Variants in NUAK1 observed in about 807,000 individuals in gnomAD.
The protein encoded by NUAK1 is NUAK family kinase 1.
NUAK1 carries 26 observed loss-of-function variants against 56.9 expected under a neutral mutation model. That is an observed-to-expected ratio of 0.46 (90% CI 0.33 to 0.63). The LOEUF (loss-of-function observed/expected upper bound fraction) is 0.63, where lower values mean the gene tolerates loss of function less well. Among genes scored for constraint, NUAK1 ranks in the 30% least tolerant of loss-of-function variants. NUAK1 has a pLI of 0.02. For synonymous variants in NUAK1, 337 were observed against 336.0 expected, an observed-to-expected ratio of 1.00 and a Z score of -0.03; for missense variants, 727 against 876.1, an observed-to-expected ratio of 0.83 and a Z score of 2.15.
At position 106,070,891 on chromosome 12, in the gene NUAK1, G is replaced by A. The variant is rs777260764; in HGVS notation, c.715C>T (p.Leu239=). 6.8e-6 allele frequency: 11 copies of A among 1,614,052 alleles called. No homozygotes were observed. Among genetic ancestry groups the A allele is most frequent in the Non-Finnish European group, 8.5e-6 (10 of 1,180,032 alleles). The part of the protein sequence containing the change: ...YRGPEVDSWA[L]GVLLYTLVYG... ...ACAAGAGTGTAAAGCAACACACCCAGGGCCCAGCTGTCCACCTGGAGCAGA... is the reference window on the plus strand; with the variant it reads ...ACAAGAGTGTAAAGCAACACACCCAAGGCCCAGCTGTCCACCTGGAGCAGA... Residue 239 remains leucine, a synonymous_variant, in exon 6 of 7, where the codon CTG becomes TTG. Transcript: ENST00000261402.
In NUAK1 at chr12:106,128,131, TTTC is replaced by T. The variant is rs1345901192; in HGVS notation, c.240+10280_240+10282del. Among the ~76,000 whole-genome samples, 11 of 145,688 alleles carry T rather than the reference TTTC, an allele frequency of 7.6e-5. 1 individual carries two copies. The highest frequency in any genetic ancestry group is 1.4e-4 in the Admixed American group (2 of 14,760). On this transcript the variant is annotated intron_variant, in intron 1 of 6. Coordinates refer to ENST00000261402, the MANE Select transcript of NUAK1 (RefSeq NM_014840.3). ...CTAGCTCCAAATTCTCTCTTTTCTT[TTTC>T]TTTTTTTTTTTTTTTGACACAGAGA... is the stretch of plus-strand genomic sequence containing the variant.
intron 1 of NUAK1, among the ~76,000 whole-genome samples, chr12:106,126,741 G>A (rs141873547): frequency 1.3e-5 from 2 of 152,108 alleles, no homozygotes; most frequent in African/African-American, 4.8e-5. Flanking sequence ...CTCATCCCTG[G>A]AATCTTGCCT....
intron 2 of NUAK1, 52 bp from the exon 3 acceptor site, chr12:106,086,937 A>G (rs760966256): frequency 6.3e-7 from 1 of 1,587,330 alleles, no homozygotes; most frequent in Middle Eastern, 1.7e-4. Context: ...CAACAAGCTC[A>G]CTTATGCTAC....
chr12:106,128,127 TC>T (rs144195232), intron 1 of NUAK1, among the ~76,000 whole-genome samples: 9 of 143,404 alleles, frequency 6.3e-5, no homozygotes, highest in African/African-American at 2.0e-4. Context: ...TTCTCTCTTT[TC>T]TTTTTCTTTT....
rs187834250 is a variant in NUAK1, at chr12:106,123,009, T to A, written c.240+15405A>T. ...CTCGACAAATATCAGATGAATCCAT[T>A]ACATGGTTTCACCTCTAGAAGTATT... On this transcript the variant is annotated intron_variant, in intron 1 of 6. Transcript: ENST00000261402. 2.0e-5 allele frequency among the ~76,000 whole-genome samples: 3 copies of A among 152,346 alleles called. No individual in the cohort carries two copies. In the East Asian group the frequency reaches 5.8e-4, roughly 29 times the overall value.
chr12:106,111,460 G>A (rs1306761129), intron 1 of NUAK1, among the ~76,000 whole-genome samples: 4 of 151,900 alleles, frequency 2.6e-5, no homozygotes, highest in Non-Finnish European at 5.9e-5. Context: ...GTATGTCGTC[G>A]AGGCTCTAAC....
At chr12:106,111,063 G>A (rs2032853649) in intron 1 of NUAK1, among the ~76,000 whole-genome samples, 1 of 152,126 alleles carries the variant, frequency 6.6e-6, no homozygotes, top group African/African-American at 2.4e-5. Flanking sequence ...TGCTCAGACT[G>A]TCACCGGCTG....
At chr12:106,124,392 T>C (rs1005344968) in intron 1 of NUAK1, among the ~76,000 whole-genome samples, 1 of 152,202 alleles carries the variant, frequency 6.6e-6, no homozygotes, top group African/African-American at 2.4e-5. Context: ...AGAGGAGATA[T>C]TGCAATCATT....
chr12:106,091,770 C>G (rs756638348), intron 2 of NUAK1, among the ~76,000 whole-genome samples: 1 of 152,178 alleles, frequency 6.6e-6, no homozygotes, highest in Non-Finnish European at 1.5e-5. Context: ...AGACAGGGAT[C>G]TCTCCTTCCC....
At chr12:106,125,353 G>A (rs150021572) in intron 1 of NUAK1, among the ~76,000 whole-genome samples, 17 of 152,226 alleles carry the variant, frequency 1.1e-4, no homozygotes, top group African/African-American at 3.9e-4. Flanking sequence ...TCCCAAGCAC[G>A]GAGGCAACTT....
chr12:106,108,734 C>G (rs1005453296), intron 1 of NUAK1, among the ~76,000 whole-genome samples: 2 of 152,130 alleles, frequency 1.3e-5, no homozygotes, highest in Admixed American at 6.5e-5. Flanking sequence ...CAAGGAGGCT[C>G]TATTGTCAAG....
At chr12:106,082,333 C>T (rs374340335) in intron 4 of NUAK1, among the ~76,000 whole-genome samples, 1 of 152,204 alleles carries the variant, frequency 6.6e-6, no homozygotes. Flanking sequence ...TATCTAACTC[C>T]AAAGCCACTG....
At chr12:106,116,447 C>T (rs187252904) in intron 1 of NUAK1, among the ~76,000 whole-genome samples, 1 of 152,196 alleles carries the variant, frequency 6.6e-6, no homozygotes, top group Non-Finnish European at 1.5e-5. Flanking sequence ...AGTTATCAAG[C>T]CCTCACTATG....
chr12:106,136,528 A>T (rs2033131273), intron 1 of NUAK1, among the ~76,000 whole-genome samples: 1 of 152,256 alleles, frequency 6.6e-6, no homozygotes, highest in Non-Finnish European at 1.5e-5. Flanking sequence ...CCTGACAGGA[A>T]GTCCCACTGA....
chr12:106,131,166 C>G (rs1292897516), intron 1 of NUAK1, among the ~76,000 whole-genome samples: 1 of 152,172 alleles, frequency 6.6e-6, no homozygotes, highest in Non-Finnish European at 1.5e-5. Flanking sequence ...CCTGAGCCCC[C>G]CCCTTTTTAA....
rs749134438 is a variant in NUAK1 at position 106,083,877 on chromosome 12, T to C, written c.566A>G (p.Asn189Ser). 4 of 1,614,080 alleles carry C rather than the reference T, an allele frequency of 2.5e-6. No homozygotes were observed. In the East Asian group the frequency reaches 6.7e-5, roughly 27 times the overall value. Residue 189 changes from asparagine (N) to serine (S), a missense_variant, in exon 4 of 7, where the codon AAC becomes AGC. Physicochemically the swap from Asn to Ser is conservative, Grantham distance 46. Coordinates refer to ENST00000261402, the MANE Select transcript of NUAK1 (RefSeq NM_014840.3). ...CAAGGGCTTTACCTTAATATTGCAGTTGTCATCGAGCAGTATATTTTCCAG... is the reference window on the plus strand; with the variant it reads ...CAAGGGCTTTACCTTAATATTGCAGCTGTCATCGAGCAGTATATTTTCCAG... ...LKLENILLDD[N>S]CNIKIADFGL... is the part of the protein sequence containing the mutation.
chr12:106,081,190 G>A (rs1275510687), intron 4 of NUAK1, among the ~76,000 whole-genome samples: 1 of 152,158 alleles, frequency 6.6e-6, no homozygotes. Context: ...CTACACTCTG[G>A]GGAAGCAAAG....
At chr12:106,072,403 CT>C (rs2032415445) in intron 5 of NUAK1, among the ~76,000 whole-genome samples, 2 of 152,032 alleles carry the variant, frequency 1.3e-5, no homozygotes, top group Non-Finnish European at 2.9e-5. Context: ...TATATCTTGC[CT>C]TTTATTAACT....
rs992340344 is a variant in NUAK1 at position 106,106,275 on chromosome 12, C to T, written c.361+130G>A. The stretch of plus-strand genomic sequence containing the variant: ...TAACCAAGTAAGAGATAACACCCGA[C>T]TATTTTTGCATCATGAGGAAAAATA... On this transcript the variant is annotated intron_variant, in intron 2 of 6. Transcript: ENST00000261402. 3.9e-6 allele frequency: 3 copies of T among 772,468 alleles called. No homozygotes were observed. In the African/African-American group the frequency reaches 5.3e-5, roughly 14 times the overall value. 47.9% of individuals were successfully genotyped at this position (772,468 alleles called of 1,614,324 possible). A position where few individuals can be genotyped will look rare whatever the true frequency, so the allele number is the denominator to read the frequency against.
Sources: gnomAD v4.1 joint callset for allele counts (sites outside exome capture counted in the v4.1 genomes callset) on GRCh38, gnomAD v4.1.1 for gene constraint, MANE v1.5 for transcripts, NCBI Gene and HGNC (gene_info 2026-07-23, HGNC 2026-07-21) for gene names.